Variants in DYNC2H1 observed in about 807,000 individuals in gnomAD.
DYNC2H1 encodes the protein cytoplasmic dynein 2 heavy chain 1.
A neutral mutation model predicts 570.0 loss-of-function variants in DYNC2H1; 410 were observed. The ratio of observed to expected loss-of-function variants is 0.72; its 90% CI spans 0.66 to 0.78. The LOEUF (loss-of-function observed/expected upper bound fraction) is 0.78. Ranked by LOEUF, DYNC2H1 falls within the 30% of genes least tolerant of loss-of-function variation. The probability of loss-of-function intolerance (pLI) is 0.00; values close to 1 mark genes in which losing one functional copy is unlikely to be tolerated. For missense variants in DYNC2H1, 4,865 were observed against 5,046.4 expected (o/e 0.96, Z 1.09); for synonymous variants, 1,688 against 1,677.6 (o/e 1.01, Z -0.15).
At chr11:103,154,643 G>T (rs1436214404) in intron 23 of DYNC2H1, 37 bp downstream of exon 23, 3 of 1,574,430 alleles carry the variant, frequency 1.9e-6, no homozygotes, top group South Asian at 2.4e-5. Flanking sequence ...TAATAATTTG[G>T]TTGTTTTATT....
In DYNC2H1 at chr11:103,170,133, C is replaced by T. The variant is rs1190120425; in HGVS notation, c.4994C>T (p.Thr1665Ile). The T allele has an allele frequency of 2.5e-6, 4 of 1,612,702 alleles. No homozygotes were observed. The highest frequency in any genetic ancestry group is 3.3e-5 in the Admixed American group (2 of 59,912). The change falls in exon 33 of 89, where the codon ACT becomes ATT. Residue 1665 changes from threonine (T) to isoleucine (I), a missense_variant. This residue lies in a region of DYNC2H1 where 1,936 missense variants were observed against 1,962.1 expected (regional missense o/e 0.99). Coordinates refer to ENST00000375735, the MANE Select transcript of DYNC2H1 (RefSeq NM_001377.3). This position sits in a 1 kb window ranked among gnomAD's most constrained non-coding sequence, Gnocchi z 4.8. ...YQGNASKLVYTPLTDKCYLTL... is the reference protein window; with the variant it reads ...YQGNASKLVYIPLTDKCYLTL... ...GGTAATGCTTCCAAACTGGTTTATA[C>T]TCCACTGACAGACAAGTGCTACTTA...
chr11:103,479,413 C>A lies in DYNC2H1; in HGVS notation c.*160C>A. On this transcript the variant is annotated 3_prime_UTR_variant, in exon 89 of 89. Transcript: ENST00000375735. ...GAAATTTTAATGTGTAAAAGCAGCA[C>A]TGTGCATCTTTTAAAGTAATAAATT... is the stretch of plus-strand genomic sequence containing the variant. 1.5e-6 allele frequency: 1 copy of A among 664,228 alleles called. No individual in the cohort carries two copies. Among genetic ancestry groups the A allele is most frequent in the Non-Finnish European group, 2.2e-6 (1 of 446,344 alleles). The allele number at this position is 664,228 out of a possible 1,614,324, so 41.1% of individuals were successfully genotyped here. A position where few individuals can be genotyped will look rare whatever the true frequency, so the allele number is the denominator to read the frequency against.
intron 70 of DYNC2H1, among the ~76,000 whole-genome samples, chr11:103,265,321 A>G (rs72971596): frequency 0.05 from 7,542 of 152,326 alleles, 249 homozygotes; most frequent in Non-Finnish European, 0.071. Flanking sequence ...CGGCACATGT[A>G]TAACTATGTA....
Position 103,152,171 on chromosome 11 carries a change from C to T in DYNC2H1, c.2982C>T (p.Asn994=). Reference sequence around the variant, plus strand: ...TATTTCAAGAAGCTGAAGACAAAAACAGACTTTTACGAACTGTGGCTGGTG... The same window carrying T: ...TATTTCAAGAAGCTGAAGACAAAAATAGACTTTTACGAACTGTGGCTGGTG... ...LPLFQEAEDK[N]RLLRTVAGGG... The change falls in exon 21 of 89, where the codon AAC becomes AAT. Residue 994 remains asparagine, a synonymous_variant. Transcript: ENST00000375735. 3 of 1,593,672 alleles carry T rather than the reference C, an allele frequency of 1.9e-6. No individual in the cohort carries two copies. Among genetic ancestry groups the T allele is most frequent in the Non-Finnish European group, 2.6e-6 (3 of 1,170,734 alleles).
chr11:103,293,002 G>A (rs1464088596), intron 75 of DYNC2H1, among the ~76,000 whole-genome samples: 2 of 152,178 alleles, frequency 1.3e-5, no homozygotes, highest in Non-Finnish European at 2.9e-5. Context: ...TTATGTATTT[G>A]TCTGTATACT....
chr11:103,166,009 A>G lies in DYNC2H1; in HGVS notation c.4723A>G (p.Thr1575Ala). ...TQLVNKLEQY[T>A]NIDTSSEDPG... is the part of the protein sequence containing the mutation. Reference sequence around the variant, plus strand: ...ACTGGTGAATAAGTTAGAGCAATATACTAACATTGATACAAGTTCTGAGGA... The same window carrying G: ...ACTGGTGAATAAGTTAGAGCAATATGCTAACATTGATACAAGTTCTGAGGA... The change falls in exon 31 of 89, where the codon ACT becomes GCT. Residue 1575 changes from threonine (T) to alanine (A), a missense_variant. Physicochemically the swap from Thr to Ala is moderately conservative, Grantham distance 58 (BLOSUM62 0). Coordinates refer to ENST00000375735, the MANE Select transcript of DYNC2H1 (RefSeq NM_001377.3). The G allele has an allele frequency of 1.3e-6, 2 of 1,534,688 alleles. No homozygotes were observed. The highest frequency in any genetic ancestry group is 1.8e-6 in the Non-Finnish European group (2 of 1,139,312).
intron 88 of DYNC2H1, among the ~76,000 whole-genome samples, chr11:103,473,016 A>G (rs1945434434): frequency 6.6e-6 from 1 of 152,182 alleles, no homozygotes; most frequent in African/African-American, 2.4e-5. Flanking sequence ...AAGAACTTCA[A>G]CATTGTTTCA....
rs1862636094 is a variant in DYNC2H1, at chr11:103,199,598, A to G, written c.8088+122A>G. On this transcript the variant is annotated intron_variant, in intron 49 of 88. Coordinates refer to ENST00000375735, the MANE Select transcript of DYNC2H1 (RefSeq NM_001377.3). The surrounding 1 kb of genome is among the most constrained non-coding windows in gnomAD (Gnocchi z 4.6). ...TTTTAAAGAACATCTTTAAAGAACT[A>G]AAGTTCTCTGTTATACAATGTAGTC... 3 of 948,268 alleles carry G rather than the reference A, an allele frequency of 3.2e-6. No homozygotes were observed. Among genetic ancestry groups the G allele is most frequent in the Non-Finnish European group, 4.3e-6 (3 of 692,466 alleles). 58.7% of individuals were successfully genotyped at this position (948,268 alleles called of 1,614,324 possible).
intron 82 of DYNC2H1, among the ~76,000 whole-genome samples, chr11:103,345,071 ATT>A (rs1939672215): frequency 6.6e-6 from 1 of 152,132 alleles, no homozygotes; most frequent in African/African-American, 2.4e-5. Context: ...CCAAAAACAT[ATT>A]GTTTTGCTTA....
intron 75 of DYNC2H1, among the ~76,000 whole-genome samples, chr11:103,298,769 G>A (rs544152247): frequency 6.6e-6 from 1 of 152,076 alleles, no homozygotes; most frequent in African/African-American, 2.4e-5. Flanking sequence ...AATTTCTCAA[G>A]CATCATTCAT....
chr11:103,227,579 T>G (rs1482311914), intron 59 of DYNC2H1, among the ~76,000 whole-genome samples: 2 of 152,210 alleles, frequency 1.3e-5, no homozygotes, highest in Non-Finnish European at 2.9e-5. Flanking sequence ...TTAAATGTAC[T>G]GAGACTTGTT....
At chr11:103,426,735 C>G (rs1432758305) in intron 84 of DYNC2H1, among the ~76,000 whole-genome samples, 1 of 152,130 alleles carries the variant, frequency 6.6e-6, no homozygotes, top group Non-Finnish European at 1.5e-5. Context: ...ATATAACAAA[C>G]TAATGGGCTT....
At chr11:103,473,173 A>C (rs1231174316) in intron 88 of DYNC2H1, among the ~76,000 whole-genome samples, 1 of 152,226 alleles carries the variant, frequency 6.6e-6, no homozygotes, top group African/African-American at 2.4e-5. Context: ...TCAAGGAAAA[A>C]TGAAAATAAA....
chr11:103,210,385 C>T (rs1487271589), intron 53 of DYNC2H1, among the ~76,000 whole-genome samples: 2 of 151,886 alleles, frequency 1.3e-5, no homozygotes, highest in African/African-American at 2.4e-5. Context: ...ATAATATTCT[C>T]ATTATTTTCT....
In DYNC2H1 at chr11:103,135,810, G is replaced by C. The variant is rs760246017; in HGVS notation, c.2436G>C (p.Gln812His). The C allele has an allele frequency of 1.2e-6, 2 of 1,613,274 alleles. No homozygotes were observed. Among genetic ancestry groups the C allele is most frequent in the Middle Eastern group, 3.3e-4 (2 of 6,058 alleles). Residue 812 changes from glutamine to histidine, a missense_variant, in exon 17 of 89, where the codon CAG (glutamine) becomes CAC (histidine). Physicochemically the swap from Gln to His is conservative, Grantham distance 24. This residue lies in a region of DYNC2H1 where 1,936 missense variants were observed against 1,962.1 expected (regional missense o/e 0.99). Coordinates refer to ENST00000375735, the MANE Select transcript of DYNC2H1 (RefSeq NM_001377.3). ...EMKRFIGIPN[Q>H]FKGVGEAGDE... ...AGAGATTCATCGGCATTCCAAATCA[G>C]TTTAAGGGAGTGGGTGAGGCAGGAG...
At chr11:103,302,838 G>T (rs1418011105) in intron 75 of DYNC2H1, among the ~76,000 whole-genome samples, 3 of 151,856 alleles carry the variant, frequency 2.0e-5, no homozygotes, top group African/African-American at 7.3e-5. Context: ...TGGTAATCAG[G>T]GTACCTACCT....
At position 103,323,114 on chromosome 11, in the gene DYNC2H1, C is replaced by T. The variant is rs146027682; in HGVS notation, c.11935-772C>T. 3.8e-3 allele frequency among the ~76,000 whole-genome samples: 584 copies of T among 152,256 alleles called. 5 individuals are homozygous for T. The highest frequency in any genetic ancestry group is 0.013 in the African/African-American group (560 of 41,554). The stretch of plus-strand genomic sequence containing the variant: ...TCTCCCATGCCTACTTCAGCAAACA[C>T]GGTTTAGATGCACGTGCAGTACTTG... On this transcript the variant is annotated intron_variant, in intron 81 of 88. Coordinates refer to ENST00000375735, the MANE Select transcript of DYNC2H1 (RefSeq NM_001377.3).
chr11:103,152,686 A>G (rs1215963992), intron 21 of DYNC2H1, among the ~76,000 whole-genome samples: 3 of 152,310 alleles, frequency 2.0e-5, no homozygotes, highest in East Asian at 1.9e-4. Flanking sequence ...ATAAGCTGCT[A>G]TGGTGCCTCT....
Position 103,199,383 on chromosome 11 carries a change from T to C in DYNC2H1, c.7995T>C (p.Thr2665=). 6.2e-7 allele frequency: 1 copy of C among 1,612,624 alleles called. No homozygotes were observed. The highest frequency in any genetic ancestry group is 8.5e-7 in the Non-Finnish European group (1 of 1,179,508). The change falls in exon 49 of 89, where the codon ACT becomes ACC. Residue 2665 remains threonine (T), a synonymous_variant. Transcript: ENST00000375735. This position sits in a 1 kb window ranked among gnomAD's most constrained non-coding sequence, Gnocchi z 4.6. Reference sequence around the variant, plus strand: ...GTGGTGTAGGTCGTCGGACCATCACTTCTTTAGTCAGTCACATGCATGGAG... The same window carrying C: ...GTGGTGTAGGTCGTCGGACCATCACCTCTTTAGTCAGTCACATGCATGGAG... ...GRSGVGRRTI[T]SLVSHMHGAV... is the part of the protein sequence containing the mutation.
Sources: gnomAD v4.1 joint callset for allele counts (sites outside exome capture counted in the v4.1 genomes callset) on GRCh38, gnomAD v4.1.1 for gene constraint, gnomAD v4.1.1 regional missense constraint, Gnocchi (gnomAD v3.1) non-coding constraint, MANE v1.5 for transcripts, NCBI Gene and HGNC (gene_info 2026-07-23, HGNC 2026-07-21) for gene names.